Variants in NOS1AP observed in about 807,000 individuals in gnomAD.
NOS1AP encodes nitric oxide synthase 1 adaptor protein.
A neutral mutation model predicts 56.2 loss-of-function variants in NOS1AP; 21 were observed. That is an observed-to-expected ratio of 0.37 (90% CI 0.26 to 0.54). The LOEUF (loss-of-function observed/expected upper bound fraction) is 0.54. Among genes scored for constraint, NOS1AP ranks in the 20% least tolerant of loss-of-function variants. The probability of loss-of-function intolerance (pLI) is 0.84; values close to 1 mark genes in which losing one functional copy is unlikely to be tolerated. For synonymous variants in NOS1AP, 270 were observed against 274.6 expected (o/e 0.98, Z 0.17); for missense variants, 522 against 657.8 (o/e 0.79, Z 2.26).
intron 4 of NOS1AP, chr1:162,317,841 C>G (rs1377799657): frequency 6.6e-6 from 1 of 152,214 alleles, no homozygotes; most frequent in Non-Finnish European, 1.5e-5. Flanking sequence ...GCAGTTACAA[C>G]AGCCCTTGCT....
Position 162,321,731 on chromosome 1 carries a change from A to AATATATAT in NOS1AP, c.345-11272_345-11265dup, listed in dbSNP as rs66879950. 2.7e-3 allele frequency among the ~76,000 whole-genome samples: 345 copies of AATATATAT among 128,464 alleles called. 1 individual carries two copies. Among genetic ancestry groups the AATATATAT allele is most frequent in the South Asian group, 6.1e-3 (24 of 3,904 alleles). 84.3% of individuals were successfully genotyped at this position (128,464 alleles called of 152,430 possible). On this transcript the variant is annotated intron_variant, in intron 4 of 9. Coordinates refer to ENST00000361897, the MANE Select transcript of NOS1AP (RefSeq NM_014697.3). ...CTTAAAGTATAATTAAAAAAAAAAA[A>AATATATAT]ATATATATATATATATATATAAAAG...
intron 1 of NOS1AP, among the ~76,000 whole-genome samples, chr1:162,082,018 A>C (rs928257594): frequency 6.6e-6 from 1 of 151,722 alleles, no homozygotes; most frequent in South Asian, 2.1e-4. Flanking sequence ...TTTGTTGTAC[A>C]GATTATTTCA....
At chr1:162,137,421 TG>T (rs2102070183) in intron 1 of NOS1AP, among the ~76,000 whole-genome samples, 1 of 151,808 alleles carries the variant, frequency 6.6e-6, no homozygotes, top group East Asian at 1.9e-4. Flanking sequence ...TTCCATCTAT[TG>T]ATCAGAGTTA....
intron 2 of NOS1AP, among the ~76,000 whole-genome samples, chr1:162,180,345 C>T (rs944501293): frequency 6.6e-6 from 1 of 152,098 alleles, no homozygotes; most frequent in Non-Finnish European, 1.5e-5. Context: ...CCCGGGTTCA[C>T]GCCGTTCTTC....
intron 3 of NOS1AP, among the ~76,000 whole-genome samples, chr1:162,290,839 G>A (rs1655263783): frequency 6.6e-6 from 1 of 152,110 alleles, no homozygotes; most frequent in Middle Eastern, 3.2e-3. Flanking sequence ...ACCCTTCTTG[G>A]CCTGTGGTTC....
chr1:162,230,238 G>A (rs1240665430), intron 2 of NOS1AP, among the ~76,000 whole-genome samples: 4 of 152,158 alleles, frequency 2.6e-5, no homozygotes, highest in Non-Finnish European at 4.4e-5. Context: ...AAAACCGGAC[G>A]GAGGGGTGTA....
intron 1 of NOS1AP, among the ~76,000 whole-genome samples, chr1:162,141,360 C>A (rs1405376729): frequency 1.3e-5 from 2 of 152,208 alleles, no homozygotes; most frequent in Non-Finnish European, 2.9e-5. Flanking sequence ...ATTTTTAGAG[C>A]ATTGGCTTTG....
chr1:162,224,095 C>T (rs550260295), intron 2 of NOS1AP, among the ~76,000 whole-genome samples: 1 of 151,884 alleles, frequency 6.6e-6, no homozygotes, highest in South Asian at 2.1e-4. Flanking sequence ...GCTGTAGAGT[C>T]ATTAACTTGT....
At chr1:162,125,665 G>GTTA (rs1436461951) in intron 1 of NOS1AP, among the ~76,000 whole-genome samples, 1 of 152,022 alleles carries the variant, frequency 6.6e-6, no homozygotes, top group Non-Finnish European at 1.5e-5. Flanking sequence ...TGCTGTTTTG[G>GTTA]TTACTATAGC....
intron 2 of NOS1AP, among the ~76,000 whole-genome samples, chr1:162,203,139 G>C (rs761052901): frequency 1.2e-4 from 17 of 138,018 alleles, no homozygotes; most frequent in Non-Finnish European, 2.7e-4. Context: ...CATTAGATCT[G>C]GTTTTGCTGA....
At chr1:162,103,361 C>G (rs946864357) in intron 1 of NOS1AP, among the ~76,000 whole-genome samples, 6 of 151,698 alleles carry the variant, frequency 4.0e-5, no homozygotes, top group Non-Finnish European at 8.8e-5. Context: ...ATTATGTGAT[C>G]AATTTTACAG....
intron 2 of NOS1AP, among the ~76,000 whole-genome samples, chr1:162,283,984 C>G (rs563287734): frequency 2.6e-4 from 40 of 152,226 alleles, no homozygotes; most frequent in South Asian, 4.1e-4. Context: ...CCTGGCAAAG[C>G]CTGAGCAGAT....
chr1:162,149,330 T>A (rs986764682), intron 1 of NOS1AP, among the ~76,000 whole-genome samples: 2 of 134,818 alleles, frequency 1.5e-5, no homozygotes, highest in Admixed American at 7.1e-5. Flanking sequence ...TGAGCTAACC[T>A]TCCAGTCAAG....
At chr1:162,329,323 G>A (rs1452404845) in intron 4 of NOS1AP, among the ~76,000 whole-genome samples, 1 of 151,616 alleles carries the variant, frequency 6.6e-6, no homozygotes, top group East Asian at 1.9e-4. Context: ...AACCTGGGAG[G>A]CAGAGGTTGC....
intron 4 of NOS1AP, among the ~76,000 whole-genome samples, chr1:162,310,600 G>A (rs1466408544): frequency 6.6e-6 from 1 of 152,164 alleles, no homozygotes; most frequent in Non-Finnish European, 1.5e-5. Flanking sequence ...ACATATGCAT[G>A]AGTAGGAATT....
At chr1:162,086,188 G>A (rs74127550) in intron 1 of NOS1AP, among the ~76,000 whole-genome samples, 3 of 152,036 alleles carry the variant, frequency 2.0e-5, no homozygotes, top group African/African-American at 7.2e-5. Context: ...TTTGGAAGGG[G>A]TATTTCAGGG....
At chr1:162,158,927 A>G (rs1181778099) in intron 2 of NOS1AP, among the ~76,000 whole-genome samples, 1 of 152,198 alleles carries the variant, frequency 6.6e-6, no homozygotes, top group Non-Finnish European at 1.5e-5. Context: ...AAATTGAAAC[A>G]TGTTTTTATT....
intron 2 of NOS1AP, among the ~76,000 whole-genome samples, chr1:162,229,347 C>A (rs1446188582): frequency 6.6e-6 from 1 of 152,172 alleles, no homozygotes; most frequent in African/African-American, 2.4e-5. Flanking sequence ...AGAAAAAGCC[C>A]TGAGGAGGAC....
intron 1 of NOS1AP, among the ~76,000 whole-genome samples, chr1:162,147,786 T>C (rs1649543412): frequency 6.6e-6 from 1 of 152,232 alleles, no homozygotes; most frequent in Non-Finnish European, 1.5e-5. Flanking sequence ...TTGCATCTTC[T>C]GTATAGTTTT....
Sources: gnomAD v4.1 joint callset for allele counts (sites outside exome capture counted in the v4.1 genomes callset) on GRCh38, gnomAD v4.1.1 for gene constraint, MANE v1.5 for transcripts, NCBI Gene and HGNC (gene_info 2026-07-23, HGNC 2026-07-21) for gene names.